Variants in GABRA2 observed in about 807,000 individuals in gnomAD.
GABRA2 encodes the protein gamma-aminobutyric acid type A receptor subunit alpha2, also known as gamma-aminobutyric acid receptor subunit alpha-2.
GABRA2 carries 16 observed loss-of-function variants against 48.7 expected under a neutral mutation model. That is an observed-to-expected ratio of 0.33 (90% CI 0.22 to 0.50). The LOEUF is 0.50. Among genes scored for constraint, GABRA2 ranks in the 20% least tolerant of loss-of-function variants. GABRA2 has a pLI of 0.98. For missense variants in GABRA2, 275 were observed against 535.6 expected (o/e 0.51, Z 4.80); for synonymous variants, 185 against 184.5 (o/e 1.00, Z -0.02).
intron 3 of GABRA2, among the ~76,000 whole-genome samples, chr4:46,339,887 T>C (rs1732924471): frequency 6.6e-6 from 1 of 151,870 alleles, no homozygotes; most frequent in Non-Finnish European, 1.5e-5. Context: ...TTCCAAAATA[T>C]AGACTTCTAT....
At chr4:46,336,819 G>T (rs1299552872) in intron 3 of GABRA2, among the ~76,000 whole-genome samples, 1 of 151,796 alleles carries the variant, frequency 6.6e-6, no homozygotes. Flanking sequence ...GATATGATGG[G>T]GGTGGTCACT....
At chr4:46,264,138 T>A (rs1454012558) in intron 8 of GABRA2, among the ~76,000 whole-genome samples, 1 of 127,174 alleles carries the variant, frequency 7.9e-6, no homozygotes, top group Non-Finnish European at 1.6e-5. Context: ...TCATTGCTTA[T>A]GTACAAAAAC....
At chr4:46,287,715 C>T (rs538588234) in intron 8 of GABRA2, among the ~76,000 whole-genome samples, 2 of 151,130 alleles carry the variant, frequency 1.3e-5, no homozygotes, top group South Asian at 4.2e-4. Context: ...ACCAGCATGG[C>T]ACATGTATAC....
Position 46,342,313 on chromosome 4 carries a change from G to A in GABRA2, c.188-9631C>T, listed in dbSNP as rs557371963. 1.4e-3 allele frequency among the ~76,000 whole-genome samples: 209 copies of A among 152,130 alleles called. 2 individuals are homozygous for A. Among genetic ancestry groups the A allele is most frequent in the African/African-American group, 4.9e-3 (204 of 41,536 alleles). On this transcript the variant is annotated intron_variant, in intron 3 of 9. Transcript: ENST00000381620. ...CCACTGCTCTTGTTGCGTTTATGCA[G>A]GAGCAGATTTTTGGAGGTCCTTACT...
At chr4:46,331,768 C>G (rs971720667) in intron 4 of GABRA2, among the ~76,000 whole-genome samples, 5 of 152,088 alleles carry the variant, frequency 3.3e-5, no homozygotes, top group African/African-American at 1.2e-4. Context: ...GGGTCTCACT[C>G]TCATGCAGAC....
intron 3 of GABRA2, among the ~76,000 whole-genome samples, chr4:46,372,774 T>C (rs1715094460): frequency 6.6e-6 from 1 of 152,176 alleles, no homozygotes; most frequent in Non-Finnish European, 1.5e-5. Context: ...CTTGAGATTA[T>C]TATATCCTTT....
intron 6 of GABRA2, among the ~76,000 whole-genome samples, chr4:46,305,919 G>A (rs1726613194): frequency 6.6e-6 from 1 of 152,138 alleles, no homozygotes; most frequent in Non-Finnish European, 1.5e-5. Context: ...GACCATGACA[G>A]TATATTCATT....
rs1423327638 is a variant in GABRA2, at chr4:46,303,485, T to C, written c.831A>G (p.Glu277=). 3 of 1,613,988 alleles carry C rather than the reference T, an allele frequency of 1.9e-6. No homozygotes were observed. The highest frequency in any genetic ancestry group is 2.2e-5 in the East Asian group (1 of 44,878). Residue 277 remains glutamate, a synonymous_variant, in exon 8 of 10, where the codon GAA becomes GAG. Transcript: ENST00000381620. Reference sequence around the variant, plus strand: ...CAAACACAGTTCTTGCAGGCACAGATTCTCTGTTAAGCCAGAATGAAACTT... The same window carrying C: ...CAAACACAGTTCTTGCAGGCACAGACTCTCTGTTAAGCCAGAATGAAACTT... ...LSQVSFWLNR[E]SVPARTVFGV... is the part of the protein sequence containing the mutation.
In GABRA2 at chr4:46,250,470, C is replaced by A; in HGVS notation, c.1194G>T (p.Lys398Asn). The part of the protein sequence containing the change: ...SKSATTPEPN[K>N]KPENKPAEAK... ...CTTCAGCTGGCTTGTTTTCTGGCTT[C>A]TTGTTGGGTTCTGGCGTGGTTGCAC... Residue 398 changes from lysine (K) to asparagine (N), a missense_variant, in exon 10 of 10, where the codon AAG becomes AAT. Physicochemically the swap from Lys to Asn is moderately conservative, Grantham distance 94. Coordinates refer to ENST00000381620, the MANE Select transcript of GABRA2 (RefSeq NM_000807.4). 2 of 1,612,146 alleles carry A rather than the reference C, an allele frequency of 1.2e-6. No individual in the cohort carries two copies. The highest frequency in any genetic ancestry group is 1.7e-6 in the Non-Finnish European group (2 of 1,178,722).
chr4:46,255,292 AAT>A (rs1434309942), intron 9 of GABRA2, among the ~76,000 whole-genome samples: 1 of 151,506 alleles, frequency 6.6e-6, no homozygotes, highest in African/African-American at 2.4e-5. Flanking sequence ...GTAACAAGAT[AAT>A]ATGTCATATA....
intron 3 of GABRA2, among the ~76,000 whole-genome samples, chr4:46,351,135 G>T (rs146780451): frequency 1.3e-4 from 3 of 23,250 alleles, no homozygotes; most frequent in Admixed American, 3.1e-4. Flanking sequence ...AAAGGAAGAC[G>T]GGGGGCTATT....
At chr4:46,257,313 A>C (rs1371536423) in intron 9 of GABRA2, among the ~76,000 whole-genome samples, 5 of 151,668 alleles carry the variant, frequency 3.3e-5, no homozygotes, top group East Asian at 1.9e-4. Context: ...TTAGCAGCAG[A>C]AGAAGAGGTA....
intron 3 of GABRA2, among the ~76,000 whole-genome samples, chr4:46,383,186 T>C (rs1716995427): frequency 6.6e-6 from 1 of 152,184 alleles, no homozygotes; most frequent in Non-Finnish European, 1.5e-5. Context: ...CTAAATTCAT[T>C]GCATATATTA....
intron 2 of GABRA2, 86 bp downstream of exon 2, chr4:46,388,550 A>AC: frequency 6.7e-7 from 1 of 1,494,484 alleles, no homozygotes. Flanking sequence ...TCTTTAAAAC[A>AC]CCCTTGATTT....
chr4:46,268,944 G>A (rs1460298518), intron 8 of GABRA2, among the ~76,000 whole-genome samples: 1 of 151,810 alleles, frequency 6.6e-6, no homozygotes, highest in Non-Finnish European at 1.5e-5. Context: ...AACACAGAAA[G>A]ACAAAAACAG....
At chr4:46,286,123 C>T (rs1722499369) in intron 8 of GABRA2, among the ~76,000 whole-genome samples, 1 of 151,792 alleles carries the variant, frequency 6.6e-6, no homozygotes, top group African/African-American at 2.4e-5. Context: ...TATTCCACTC[C>T]TATCCACTGG....
intron 3 of GABRA2, among the ~76,000 whole-genome samples, chr4:46,370,863 T>C (rs776585692): frequency 2.0e-5 from 3 of 151,924 alleles, no homozygotes; most frequent in Admixed American, 1.3e-4. Flanking sequence ...CCAAGAACCC[T>C]ATTTTCTACT....
intron 6 of GABRA2, among the ~76,000 whole-genome samples, chr4:46,307,801 T>A (rs958215906): frequency 1.1e-4 from 16 of 152,172 alleles, no homozygotes; most frequent in Admixed American, 1.0e-3. Context: ...CACTTCATTA[T>A]TTAGATAAGA....
rs569275619 is a variant in GABRA2, at chr4:46,307,978, C to A, written c.559+2195G>T. On this transcript the variant is annotated intron_variant, in intron 6 of 9. Transcript: ENST00000381620. Reference sequence around the variant, plus strand: ...AAGTATCAAAGGAGAGAAAGTTTTACAAAATTCATTATAAATTCCACTTGT... The same window carrying A: ...AAGTATCAAAGGAGAGAAAGTTTTAAAAAATTCATTATAAATTCCACTTGT... 2.0e-4 allele frequency among the ~76,000 whole-genome samples: 31 copies of A among 152,192 alleles called. No homozygotes were observed. In the Middle Eastern group the frequency reaches 0.02, roughly 100 times the overall value.
Sources: allele counts gnomAD v4.1 joint callset (sites outside exome capture counted in the v4.1 genomes callset), GRCh38; gene constraint gnomAD v4.1.1; transcripts MANE v1.5; gene names NCBI Gene and HGNC (gene_info 2026-07-23, HGNC 2026-07-21).